TENM4: variants seen among roughly 807,000 people sequenced by gnomAD.
TENM4 encodes the protein teneurin transmembrane protein 4.
In TENM4, 82 loss-of-function variants were observed where a neutral mutation model predicts 243.3. The ratio of observed to expected loss-of-function variants is 0.34; its 90% CI spans 0.28 to 0.40. The LOEUF is 0.40. Ranked by LOEUF, TENM4 falls within the 10% of genes least tolerant of loss-of-function variation. The pLI, the probability that TENM4 is intolerant of heterozygous loss-of-function variation, is 1.00. For missense variants in TENM4, 3,138 were observed against 3,673.3 expected, an observed-to-expected ratio of 0.85 and a Z score of 3.77; for synonymous variants, 1,412 against 1,456.3, an observed-to-expected ratio of 0.97 and a Z score of 0.69.
intron 1 of TENM4, among the ~76,000 whole-genome samples, chr11:79,357,191 C>A (rs1470855183): frequency 6.6e-6 from 1 of 152,222 alleles, no homozygotes; most frequent in Non-Finnish European, 1.5e-5. Flanking sequence ...AGGGCAGTAA[C>A]TGGCACATGC....
intron 6 of TENM4, among the ~76,000 whole-genome samples, chr11:79,010,120 T>G (rs1858604460): frequency 6.6e-6 from 1 of 152,176 alleles, no homozygotes; most frequent in Admixed American, 6.5e-5. Context: ...CTCTTTCCTT[T>G]ATAAATTACC....
At chr11:79,288,776 A>G (rs1383243485) in intron 2 of TENM4, among the ~76,000 whole-genome samples, 1 of 152,144 alleles carries the variant, frequency 6.6e-6, no homozygotes, top group Non-Finnish European at 1.5e-5. Context: ...AGGTGGACAG[A>G]TTTAGTGGAT....
intron 6 of TENM4, among the ~76,000 whole-genome samples, chr11:78,920,530 G>A (rs554931274): frequency 2.0e-5 from 3 of 152,210 alleles, no homozygotes; most frequent in East Asian, 1.9e-4. Context: ...CTTTGTTCAC[G>A]GTCTCGTCCT....
At chr11:79,113,564 T>C (rs1435482315) in intron 4 of TENM4, among the ~76,000 whole-genome samples, 1 of 151,812 alleles carries the variant, frequency 6.6e-6, no homozygotes, top group Non-Finnish European at 1.5e-5. Flanking sequence ...GAAAGCAACA[T>C]TAAGCTTGCA....
chr11:79,269,528 A>G (rs1383367407), intron 2 of TENM4: 1 of 152,326 alleles, frequency 6.6e-6, no homozygotes, highest in Non-Finnish European at 1.5e-5. Context: ...TGAGAGCAGC[A>G]TCTTCCAGGA....
intron 1 of TENM4, among the ~76,000 whole-genome samples, chr11:79,375,435 C>T (rs1386961123): frequency 2.0e-5 from 3 of 152,132 alleles, no homozygotes; most frequent in Non-Finnish European, 4.4e-5. Context: ...CTGTGCATAG[C>T]TCTTTATCCT....
chr11:78,697,489 T>C (rs891554749), intron 28 of TENM4, among the ~76,000 whole-genome samples: 1 of 152,220 alleles, frequency 6.6e-6, no homozygotes, highest in Non-Finnish European at 1.5e-5. Flanking sequence ...ATCTCTTCAT[T>C]TGACCCATTT....
At position 79,138,507 on chromosome 11, in the gene TENM4, A is replaced by G. The variant is rs543273290; in HGVS notation, c.-66+10203T>C. On this transcript the variant is annotated intron_variant, in intron 4 of 33. Coordinates refer to ENST00000278550, the MANE Select transcript of TENM4 (RefSeq NM_001098816.3). ...AATATATATTTATACATAATATATTAAAATATATTATATTTATACATAATA... is the reference window on the plus strand; with the variant it reads ...AATATATATTTATACATAATATATTGAAATATATTATATTTATACATAATA... Among the ~76,000 whole-genome samples the G allele has an allele frequency of 1.6e-3, 188 of 116,946 alleles. 1 individual carries two copies. The highest frequency in any genetic ancestry group is 6.6e-3 in the African/African-American group (184 of 27,804). The allele number at this position is 116,946 out of a possible 152,430, so 76.7% of individuals were successfully genotyped here.
At chr11:78,687,601 A>T (rs1469983538) in intron 29 of TENM4, among the ~76,000 whole-genome samples, 1 of 152,228 alleles carries the variant, frequency 6.6e-6, no homozygotes, top group African/African-American at 2.4e-5. Flanking sequence ...TGACAAATGC[A>T]AAGAAGGGTC....
intron 6 of TENM4, among the ~76,000 whole-genome samples, chr11:78,963,911 G>A (rs887641132): frequency 1.6e-4 from 24 of 147,520 alleles, no homozygotes; most frequent in Admixed American, 1.2e-3. Flanking sequence ...TTCTTTTTTT[G>A]TATTTTTAGT....
chr11:78,885,391 G>C (rs1016146220), intron 9 of TENM4, among the ~76,000 whole-genome samples: 1 of 152,214 alleles, frequency 6.6e-6, no homozygotes, highest in East Asian at 1.9e-4. Context: ...TCTCTGAAGA[G>C]ATCCCACAGC....
chr11:78,775,371 G>A (rs1401968929), intron 17 of TENM4, among the ~76,000 whole-genome samples: 1 of 152,196 alleles, frequency 6.6e-6, no homozygotes, highest in Non-Finnish European at 1.5e-5. Flanking sequence ...AATCATTGAG[G>A]TGCCAGTTTG....
chr11:79,373,393 G>A (rs996478647), intron 1 of TENM4, among the ~76,000 whole-genome samples: 13 of 151,926 alleles, frequency 8.6e-5, no homozygotes, highest in African/African-American at 2.7e-4. Context: ...TGCATGGGTG[G>A]ATAGTTAGCT....
At chr11:78,886,503 C>T (rs529283996) in intron 9 of TENM4, among the ~76,000 whole-genome samples, 7 of 152,356 alleles carry the variant, frequency 4.6e-5, no homozygotes, top group South Asian at 4.1e-4. Flanking sequence ...ACACCTGCAA[C>T]GCGTTCACCT....
intron 19 of TENM4, among the ~76,000 whole-genome samples, chr11:78,739,547 T>C (rs1176989580): frequency 2.0e-5 from 3 of 152,192 alleles, no homozygotes; most frequent in African/African-American, 7.2e-5. Flanking sequence ...GAACTATGTC[T>C]AACAAATGCT....
chr11:78,892,485 G>C (rs1855690879), intron 7 of TENM4, among the ~76,000 whole-genome samples: 1 of 152,208 alleles, frequency 6.6e-6, no homozygotes, highest in Non-Finnish European at 1.5e-5. Context: ...CTCTCTTCCT[G>C]TGCAACTTTG....
intron 4 of TENM4, among the ~76,000 whole-genome samples, chr11:79,125,859 C>A (rs1052405126): frequency 3.9e-5 from 6 of 152,122 alleles, no homozygotes; most frequent in East Asian, 1.9e-4. Context: ...TCCCAGCGAG[C>A]CCCTAGAGGT....
intron 4 of TENM4, among the ~76,000 whole-genome samples, chr11:79,083,444 A>T (rs913139501): frequency 2.0e-5 from 3 of 152,186 alleles, no homozygotes; most frequent in African/African-American, 7.2e-5. Flanking sequence ...CTAATTCAAA[A>T]ACCACACTCC....
chr11:78,882,299 C>T (rs1424058058), intron 9 of TENM4, among the ~76,000 whole-genome samples: 1 of 152,236 alleles, frequency 6.6e-6, no homozygotes, highest in Non-Finnish European at 1.5e-5. Flanking sequence ...TCTTTCTCTA[C>T]ACATCTCATG....
Sources: allele counts gnomAD v4.1 joint callset (sites outside exome capture counted in the v4.1 genomes callset), GRCh38; gene constraint gnomAD v4.1.1; transcripts MANE v1.5; gene names NCBI Gene and HGNC (gene_info 2026-07-23, HGNC 2026-07-21).